Variants in GPRC5B observed in about 807,000 individuals in gnomAD.
The protein encoded by GPRC5B is G protein-coupled receptor class C group 5 member B, also known as G protein-coupled receptor family C group 5 member B.
In GPRC5B, 16 loss-of-function variants were observed where a neutral mutation model predicts 30.1. The observed-to-expected ratio is 0.53, with a 90% CI of 0.36 to 0.81. The LOEUF is 0.81. Among genes scored for constraint, GPRC5B ranks in the 30% least tolerant of loss-of-function variants. GPRC5B has a pLI of 0.01. For missense variants in GPRC5B, 428 were observed against 544.7 expected (o/e 0.79, Z 2.13); for synonymous variants, 241 against 239.5 (o/e 1.01, Z -0.06).
intron 2 of GPRC5B, among the ~76,000 whole-genome samples, chr16:19,864,846 C>A (rs932590785): frequency 6.6e-6 from 1 of 151,648 alleles, no homozygotes; most frequent in Non-Finnish European, 1.5e-5. Context: ...GCAAGGGTTT[C>A]TAGAACAAAG....
intron 1 of GPRC5B, among the ~76,000 whole-genome samples, chr16:19,878,200 AAAAC>A (rs147229390): frequency 0.12 from 15,834 of 132,524 alleles, 1,093 homozygotes; most frequent in South Asian, 0.25. Context: ...CTCCGTCTTA[AAAAC>A]AAACAAACAA....
At chr16:19,870,408 G>A (rs898788704) in intron 2 of GPRC5B, among the ~76,000 whole-genome samples, 2 of 152,192 alleles carry the variant, frequency 1.3e-5, no homozygotes, top group Admixed American at 6.5e-5. Context: ...CAGGTACCAA[G>A]AGGGCTTTGT....
At position 19,857,241 on chromosome 16, in the gene GPRC5B, C is replaced by T. The variant is rs1235468891; in HGVS notation, c.*3259G>A. 3.3e-5 allele frequency: 10 copies of T among 300,010 alleles called. No homozygotes were observed. The highest frequency in any genetic ancestry group is 9.2e-5 in the African/African-American group (4 of 43,394). The allele number at this position is 300,010 out of a possible 1,614,324, so 18.6% of individuals were successfully genotyped here. A position where few individuals can be genotyped will look rare whatever the true frequency, so the allele number is the denominator to read the frequency against. On this transcript the variant is annotated 3_prime_UTR_variant, in exon 4 of 4. Coordinates refer to ENST00000300571, the MANE Select transcript of GPRC5B (RefSeq NM_016235.3). ...CACAGACCGACCCTCAAGGCAGATC[C>T]GAAAGCCTAGTAGTTAGTTGCACTG...
Position 19,856,791 on chromosome 16 carries a change from TC to T in GPRC5B, c.*3708del. 1 of 492,132 alleles carries T rather than the reference TC, an allele frequency of 2.0e-6. No homozygotes were observed. The highest frequency in any genetic ancestry group is 3.6e-6 in the Non-Finnish European group (1 of 276,810). 30.5% of individuals were successfully genotyped at this position (492,132 alleles called of 1,614,324 possible). On this transcript the variant is annotated 3_prime_UTR_variant, in exon 4 of 4. Transcript: ENST00000300571. Reference sequence around the variant, plus strand: ...ATTTTATTCATTCATCCAGATTACTTCTTCAGTGCCTCAGGAGTATTCTTCT... The same window carrying T: ...ATTTTATTCATTCATCCAGATTACTTTTCAGTGCCTCAGGAGTATTCTTCT...
intron 1 of GPRC5B, among the ~76,000 whole-genome samples, chr16:19,877,877 G>A (rs539818527): frequency 2.0e-5 from 3 of 152,244 alleles, no homozygotes; most frequent in Middle Eastern, 6.8e-3. Flanking sequence ...GCCACTTGCT[G>A]AGCCTTTGAC....
chr16:19,872,117 A>T lies in GPRC5B; in HGVS notation c.729T>A (p.Ser243=). Reference sequence around the variant, plus strand: ...TCATCCAGGCCACCCAGATGAGCACAGAGAGGAAGGCTGTGATGAGGAGGA... The same window carrying T: ...TCATCCAGGCCACCCAGATGAGCACTGAGAGGAAGGCTGTGATGAGGAGGA... ...GAFLLITAFL[S]VLIWVAWMTM... Residue 243 remains serine (S), a synonymous_variant, in exon 2 of 4, where the codon TCT becomes TCA. Transcript: ENST00000300571. The surrounding 1 kb of genome is among the most constrained non-coding windows in gnomAD (Gnocchi z 5.0). The T allele has an allele frequency of 6.2e-7, 1 of 1,614,152 alleles. No individual in the cohort carries two copies. Among genetic ancestry groups the T allele is most frequent in the Non-Finnish European group, 8.5e-7 (1 of 1,179,998 alleles).
intron 1 of GPRC5B, among the ~76,000 whole-genome samples, chr16:19,883,855 C>T (rs2056827873): frequency 6.6e-6 from 1 of 152,250 alleles, no homozygotes; most frequent in Non-Finnish European, 1.5e-5. Flanking sequence ...TTGGCCCCTT[C>T]CCAGGCTGTT....
intron 2 of GPRC5B, among the ~76,000 whole-genome samples, chr16:19,871,281 CAAAAAAA>C (rs71375667): frequency 4.3e-5 from 3 of 70,378 alleles, no homozygotes; most frequent in Non-Finnish European, 7.9e-5. Context: ...GACCCTGTCT[CAAAAAAA>C]AAAAAAAAAA....
chr16:19,878,913 G>A (rs529689921), intron 1 of GPRC5B, among the ~76,000 whole-genome samples: 1 of 152,188 alleles, frequency 6.6e-6, no homozygotes, highest in African/African-American at 2.4e-5. Context: ...CAGATTCTCA[G>A]GGCGTGGGTC....
At chr16:19,862,493 C>T (rs2056634541) in intron 2 of GPRC5B, among the ~76,000 whole-genome samples, 1 of 152,168 alleles carries the variant, frequency 6.6e-6, no homozygotes. Context: ...CATGTCGGCA[C>T]TTTTTCCCTC....
At position 19,859,860 on chromosome 16, in the gene GPRC5B, C is replaced by G. The variant is rs1426187925; in HGVS notation, c.*640G>C. ...TCCAAATGTGATGGTCACTTCATCA[C>G]CCAGAGGGCCTCTTCTTTGGCACAT... On this transcript the variant is annotated 3_prime_UTR_variant, in exon 4 of 4. Coordinates refer to ENST00000300571, the MANE Select transcript of GPRC5B (RefSeq NM_016235.3). 1 of 152,820 alleles carries G rather than the reference C, an allele frequency of 6.5e-6. No homozygotes were observed. Among genetic ancestry groups the G allele is most frequent in the African/African-American group, 2.4e-5 (1 of 41,450 alleles). The allele number at this position is 152,820 out of a possible 1,614,324, so 9.5% of individuals were successfully genotyped here.
At chr16:19,861,087 T>TTAAAAAAAAAAAAAAAAAAA (rs569493402) in intron 3 of GPRC5B, among the ~76,000 whole-genome samples, 5 of 93,406 alleles carry the variant, frequency 5.4e-5, no homozygotes, top group East Asian at 8.3e-4. Flanking sequence ...CTGATTTACA[T>TTAAAAAAAAAAAAAAAAAAA]AAAAAAAAAA....
rs2056721718 is a variant in GPRC5B, at chr16:19,871,835, GGA to G, written c.1009_1010del (p.Ser337HisfsTer3). 6.2e-7 allele frequency: 1 copy of G among 1,613,624 alleles called. No homozygotes were observed. Among genetic ancestry groups the G allele is most frequent in the Non-Finnish European group, 8.5e-7 (1 of 1,179,866 alleles). On this transcript the variant is annotated frameshift_variant, in exon 2 of 4. Coordinates refer to ENST00000300571, the MANE Select transcript of GPRC5B (RefSeq NM_016235.3). LOFTEE classifies it high-confidence loss of function. ...CTTTACCTGCATTGTGTTCATCCAT[GGA>G]GAAGGCCTTGTTCTCCATATAGGCC... ...PRAYMENKAF[S>X]MDEHNAALRT...
chr16:19,884,991 C>T, upstream of GPRC5B: 1 of 628,236 alleles, frequency 1.6e-6, no homozygotes, highest in Non-Finnish European at 2.0e-6. Flanking sequence ...CCGGCGGTTC[C>T]GCGCGGGGCT....
chr16:19,866,314 C>T lies in GPRC5B; in HGVS notation c.1031-4341G>A, dbSNP rs1048093412. 2.6e-5 allele frequency among the ~76,000 whole-genome samples: 4 copies of T among 152,050 alleles called. 1 individual carries two copies. The East Asian group carries it at 7.7e-4, about 29-fold the overall frequency. ...TGTGAGTGTGGAAGCAAACCGTTGC[C>T]CCTGGGCAAAGGGATTTTAAGAAAT... On this transcript the variant is annotated intron_variant, in intron 2 of 3. Transcript: ENST00000300571.
chr16:19,874,376 C>A (rs980307381), intron 1 of GPRC5B, among the ~76,000 whole-genome samples: 1 of 152,164 alleles, frequency 6.6e-6, no homozygotes, highest in Non-Finnish European at 1.5e-5. Context: ...AAGGTCACAC[C>A]CCAGTCCTCT....
chr16:19,884,178 C>T (rs1338850170), intron 1 of GPRC5B, among the ~76,000 whole-genome samples: 2 of 148,358 alleles, frequency 1.3e-5, no homozygotes, highest in East Asian at 2.1e-4. Context: ...CTCCCACCGC[C>T]GTGTCCCCCC....
chr16:19,861,392 T>A (rs892184389), intron 3 of GPRC5B, among the ~76,000 whole-genome samples: 1 of 152,152 alleles, frequency 6.6e-6, no homozygotes, highest in Non-Finnish European at 1.5e-5. Flanking sequence ...CTGCTTCAAT[T>A]TCTTAAGACA....
At chr16:19,876,438 G>A (rs1186939395) in intron 1 of GPRC5B, among the ~76,000 whole-genome samples, 1 of 152,228 alleles carries the variant, frequency 6.6e-6, no homozygotes, top group African/African-American at 2.4e-5. Context: ...TGGGGAAGAT[G>A]CCACAAAACC....
Sources: allele counts gnomAD v4.1 joint callset (sites outside exome capture counted in the v4.1 genomes callset), GRCh38; gene constraint gnomAD v4.1.1; non-coding constraint Gnocchi (gnomAD v3.1); transcripts MANE v1.5; gene names NCBI Gene and HGNC (gene_info 2026-07-23, HGNC 2026-07-21).